AGBL4: variants seen among roughly 807,000 people sequenced by gnomAD.
AGBL4 encodes cytosolic carboxypeptidase 6.
Under a neutral mutation model 66.4 loss-of-function variants are expected in AGBL4, and 58 were observed. The ratio of observed to expected loss-of-function variants is 0.87; its 90% CI spans 0.71 to 1.09. The LOEUF is 1.09. Ranked by LOEUF, AGBL4 falls within the 50% of genes least tolerant of loss-of-function variation. The pLI is 0.00. For synonymous variants in AGBL4, 234 were observed against 222.9 expected, an observed-to-expected ratio of 1.05 and a Z score of -0.44; for missense variants, 579 against 631.0, an observed-to-expected ratio of 0.92 and a Z score of 0.88.
At chr1:48,682,643 T>A (rs183297080) in intron 6 of AGBL4, among the ~76,000 whole-genome samples, 1 of 152,188 alleles carries the variant, frequency 6.6e-6, no homozygotes, top group Non-Finnish European at 1.5e-5. Context: ...TCTGCCTGTC[T>A]TGGCCTCCCA....
At chr1:49,410,180 A>C (rs888171012) in intron 3 of AGBL4, among the ~76,000 whole-genome samples, 2 of 152,170 alleles carry the variant, frequency 1.3e-5, no homozygotes, top group African/African-American at 2.4e-5. Flanking sequence ...TGTCCCTCAT[A>C]GGGAGGGCAA....
chr1:49,301,753 C>G (rs1644748320), intron 3 of AGBL4, among the ~76,000 whole-genome samples: 1 of 152,158 alleles, frequency 6.6e-6, no homozygotes, highest in Non-Finnish European at 1.5e-5. Context: ...TTTAGACCTT[C>G]CATTCTGGCA....
intron 3 of AGBL4, among the ~76,000 whole-genome samples, chr1:49,681,525 G>A (rs528229621): frequency 6.6e-6 from 1 of 152,096 alleles, no homozygotes; most frequent in Non-Finnish European, 1.5e-5. Context: ...TAGCACTCTA[G>A]CGTCACATTA....
chr1:49,582,757 C>G (rs112196945), intron 3 of AGBL4, among the ~76,000 whole-genome samples: 2,142 of 152,272 alleles, frequency 0.014, 31 homozygotes, highest in Middle Eastern at 0.041. Context: ...TATGTTATCT[C>G]TTATAGTTTT....
At chr1:49,006,067 G>C (rs563494408) in intron 5 of AGBL4, among the ~76,000 whole-genome samples, 92 of 152,202 alleles carry the variant, frequency 6.0e-4, no homozygotes, top group African/African-American at 2.2e-3. Context: ...AGCTCCCAGC[G>C]TGAGCGACGC....
chr1:49,258,969 T>C (rs1050518345), intron 3 of AGBL4, among the ~76,000 whole-genome samples: 13 of 152,044 alleles, frequency 8.6e-5, no homozygotes, highest in East Asian at 5.8e-4. Flanking sequence ...CAGCAGAAAC[T>C]CTACAAGCCA....
intron 9 of AGBL4, among the ~76,000 whole-genome samples, chr1:48,629,717 G>A (rs1645563291): frequency 6.6e-6 from 1 of 152,152 alleles, no homozygotes; most frequent in African/African-American, 2.4e-5. Context: ...CATGGGAATG[G>A]GAGTGGGTGA....
At chr1:49,952,633 C>A (rs1656259599) in intron 1 of AGBL4, among the ~76,000 whole-genome samples, 1 of 151,922 alleles carries the variant, frequency 6.6e-6, no homozygotes, top group Non-Finnish European at 1.5e-5. Context: ...GACCTCTATT[C>A]ACTGCCTCCT....
chr1:49,919,273 T>C (rs892019763), intron 1 of AGBL4, among the ~76,000 whole-genome samples: 7 of 152,112 alleles, frequency 4.6e-5, no homozygotes, highest in African/African-American at 1.7e-4. Context: ...GGGATTCAAT[T>C]AGGAAAACAG....
chr1:48,578,396 A>G (rs1644686896), intron 11 of AGBL4, among the ~76,000 whole-genome samples: 1 of 152,184 alleles, frequency 6.6e-6, no homozygotes, highest in Non-Finnish European at 1.5e-5. Flanking sequence ...AGGAGAAAAA[A>G]ATCAACAGAC....
intron 4 of AGBL4, among the ~76,000 whole-genome samples, chr1:49,217,053 A>T (rs971757624): frequency 6.6e-6 from 1 of 152,146 alleles, no homozygotes; most frequent in Non-Finnish European, 1.5e-5. Flanking sequence ...GTAGAAGTCA[A>T]GCAAGCATGT....
At chr1:48,648,087 C>T (rs1040562148) in intron 8 of AGBL4, among the ~76,000 whole-genome samples, 2 of 152,128 alleles carry the variant, frequency 1.3e-5, no homozygotes, top group African/African-American at 4.8e-5. Flanking sequence ...ACCATCATAA[C>T]CATTTTTAAG....
chr1:49,514,686 G>C (rs1463248871), intron 3 of AGBL4, among the ~76,000 whole-genome samples: 2 of 152,002 alleles, frequency 1.3e-5, no homozygotes, highest in Non-Finnish European at 2.9e-5. Flanking sequence ...TACCAAAACA[G>C]AGATATAGAT....
In AGBL4 at chr1:49,558,957, T is replaced by G. The variant is rs78733844; in HGVS notation, c.282+138356A>C. 5.9e-3 allele frequency among the ~76,000 whole-genome samples: 894 copies of G among 152,242 alleles called. 10 individuals carry two copies. Among genetic ancestry groups the G allele is most frequent in the African/African-American group, 0.021 (853 of 41,538 alleles). On this transcript the variant is annotated intron_variant, in intron 3 of 13. Transcript: ENST00000371839. Reference sequence around the variant, plus strand: ...CAGGTAGACTTTTAAGGTATTTGACTCTAGTCCCTGACTCCTGGGTGGTAC... The same window carrying G: ...CAGGTAGACTTTTAAGGTATTTGACGCTAGTCCCTGACTCCTGGGTGGTAC...
chr1:49,518,505 A>G (rs1650010615), intron 3 of AGBL4, among the ~76,000 whole-genome samples: 1 of 77,922 alleles, frequency 1.3e-5, no homozygotes, highest in African/African-American at 6.4e-5. Context: ...AGCCTTTGAA[A>G]AGATTGCTAA....
rs148879456 is a variant in AGBL4 at position 48,635,319 on chromosome 1, T to C, written c.840-715A>G. Among the ~76,000 whole-genome samples the C allele has an allele frequency of 1.6e-3, 238 of 152,338 alleles. 1 individual carries two copies. The South Asian group carries it at 0.018, about 11-fold the overall frequency. Reference sequence around the variant, plus strand: ...GAGACCAGGGCATAAGCTTTCTCTTTCCAAATGCCTCTTTCCTCAATGCCC... The same window carrying C: ...GAGACCAGGGCATAAGCTTTCTCTTCCCAAATGCCTCTTTCCTCAATGCCC... On this transcript the variant is annotated intron_variant, in intron 8 of 13. Transcript: ENST00000371839.
chr1:48,723,862 G>A (rs1647187700), intron 6 of AGBL4, among the ~76,000 whole-genome samples: 1 of 152,188 alleles, frequency 6.6e-6, no homozygotes, highest in Non-Finnish European at 1.5e-5. Flanking sequence ...CTTCATCTGG[G>A]TTTAATTTAT....
At chr1:49,739,352 A>T (rs1650203803) in intron 2 of AGBL4, among the ~76,000 whole-genome samples, 1 of 152,218 alleles carries the variant, frequency 6.6e-6, no homozygotes, top group African/African-American at 2.4e-5. Context: ...AGAAGTTTAG[A>T]GAAAAAAGAA....
intron 3 of AGBL4, among the ~76,000 whole-genome samples, chr1:49,555,696 AAC>A (rs1259272858): frequency 4.6e-5 from 7 of 151,450 alleles, no homozygotes; most frequent in African/African-American, 1.7e-4. Flanking sequence ...GAAAAAAAAA[AAC>A]CCATCAAAAA....
Sources: gnomAD v4.1 joint callset for allele counts (sites outside exome capture counted in the v4.1 genomes callset) on GRCh38, gnomAD v4.1.1 for gene constraint, MANE v1.5 for transcripts, NCBI Gene and HGNC (gene_info 2026-07-23, HGNC 2026-07-21) for gene names.